Variants in NAV3 observed in about 807,000 individuals in gnomAD.
The protein encoded by NAV3 is pore membrane and/or filament interacting like protein 1.
NAV3 carries 87 observed loss-of-function variants against 244.7 expected under a neutral mutation model. The observed-to-expected ratio is 0.36, with a 90% confidence interval of 0.30 to 0.42. NAV3 has a LOEUF of 0.42. Ranked by LOEUF, NAV3 falls within the 20% of genes least tolerant of loss-of-function variation. NAV3 has a pLI of 1.00. For synonymous variants in NAV3, 1,126 were observed against 1,042.2 expected (o/e 1.08, Z -1.55); for missense variants, 2,663 against 2,893.3 (o/e 0.92, Z 1.83).
intron 1 of NAV3, among the ~76,000 whole-genome samples, chr12:77,888,843 G>A (rs1416388628): frequency 6.6e-6 from 1 of 152,138 alleles, no homozygotes; most frequent in Non-Finnish European, 1.5e-5. Context: ...GTGTGACTGT[G>A]GATAGGACCG....
intron 39 of NAV3, among the ~76,000 whole-genome samples, chr12:78,210,015 A>G (rs371694440): frequency 2.0e-5 from 3 of 152,104 alleles, no homozygotes; most frequent in African/African-American, 2.4e-5. Flanking sequence ...ATGAACATTC[A>G]CGACTTTCAG....
At chr12:78,112,631 A>C (rs1009859617) in intron 12 of NAV3, among the ~76,000 whole-genome samples, 1 of 152,016 alleles carries the variant, frequency 6.6e-6, no homozygotes, top group African/African-American at 2.4e-5. Flanking sequence ...TGCCCCCATG[A>C]CTCAATTACT....
At chr12:77,813,022 C>T (rs572776076) in intron 2 of NAV3, among the ~76,000 whole-genome samples, 3 of 151,986 alleles carry the variant, frequency 2.0e-5, no homozygotes, top group Non-Finnish European at 4.4e-5. Flanking sequence ...GGGGTTTTAC[C>T]ATGTTGGCCA....
chr12:78,173,138 T>A (rs1958073884), intron 24 of NAV3, among the ~76,000 whole-genome samples: 3 of 151,644 alleles, frequency 2.0e-5, no homozygotes, highest in South Asian at 4.1e-4. Context: ...TTAGCCATTC[T>A]TTACTGAACT....
Position 78,143,866 on chromosome 12 carries a change from C to T in NAV3, c.4684-2503C>T, listed in dbSNP as rs183927232. ...GATGTTGGCATGGGCTCTCAGGAAG[C>T]CACAGCCTCCACCAATGCTTTTCTT... On this transcript the variant is annotated intron_variant, in intron 20 of 39. Transcript: ENST00000397909. Among the ~76,000 whole-genome samples the T allele has an allele frequency of 1.9e-3, 286 of 152,272 alleles. 2 individuals are homozygous for T. Among genetic ancestry groups the T allele is most frequent in the Admixed American group, 3.4e-3 (52 of 15,286 alleles).
chr12:78,124,341 A>T (rs1005286618), intron 16 of NAV3, among the ~76,000 whole-genome samples: 1 of 152,226 alleles, frequency 6.6e-6, no homozygotes, highest in Non-Finnish European at 1.5e-5. Flanking sequence ...TAAAATTTTC[A>T]CTATGGAAAT....
chr12:78,127,585 A>C (rs1955972322), intron 17 of NAV3, among the ~76,000 whole-genome samples: 1 of 152,074 alleles, frequency 6.6e-6, no homozygotes, highest in African/African-American at 2.4e-5. Flanking sequence ...AATAAAATTA[A>C]CTCTTCTAAC....
At chr12:78,111,542 A>G (rs745417453) in intron 12 of NAV3, among the ~76,000 whole-genome samples, 3 of 152,174 alleles carry the variant, frequency 2.0e-5, no homozygotes, top group Non-Finnish European at 4.4e-5. Flanking sequence ...TCAGAGAAAT[A>G]CAAAATAAAA....
intron 1 of NAV3, among the ~76,000 whole-genome samples, chr12:77,930,524 A>G (rs1446292023): frequency 6.6e-6 from 1 of 151,998 alleles, no homozygotes; most frequent in African/African-American, 2.4e-5. Flanking sequence ...ACAGTGCATC[A>G]GATTTATTAT....
chr12:77,788,359 G>T (rs1871005336), intron 2 of NAV3, among the ~76,000 whole-genome samples: 1 of 152,186 alleles, frequency 6.6e-6, no homozygotes, highest in Admixed American at 6.5e-5. Flanking sequence ...TTCGCCTTAA[G>T]TCAGTGCTAA....
intron 1 of NAV3, among the ~76,000 whole-genome samples, chr12:77,905,896 C>A (rs1330827739): frequency 6.6e-6 from 1 of 152,156 alleles, no homozygotes; most frequent in Non-Finnish European, 1.5e-5. Context: ...CTGGACATGA[C>A]ATGATGGCCT....
intron 2 of NAV3, among the ~76,000 whole-genome samples, chr12:77,619,900 CAG>C (rs1468750295): frequency 6.6e-6 from 1 of 151,950 alleles, no homozygotes; most frequent in Non-Finnish European, 1.5e-5. Context: ...CACACACACA[CAG>C]ACAGTCTTTG....
intron 1 of NAV3, among the ~76,000 whole-genome samples, chr12:77,930,431 A>T (rs538133676): frequency 7.7e-6 from 1 of 130,186 alleles, no homozygotes; most frequent in African/African-American, 3.1e-5. Flanking sequence ...CTTTATGGCT[A>T]CATTTACCTT....
At position 78,181,052 on chromosome 12, in the gene NAV3, T is replaced by C. The variant is rs371297626; in HGVS notation, c.5692+7T>C. The C allele has an allele frequency of 1.2e-5, 19 of 1,612,348 alleles. No homozygotes were observed. The highest frequency in any genetic ancestry group is 1.6e-5 in the Non-Finnish European group (19 of 1,178,962). On this transcript the variant is annotated splice_region_variant and intron_variant, in intron 30 of 39. Coordinates refer to ENST00000397909, the MANE Select transcript of NAV3 (RefSeq NM_001024383.2). ...ACAGAGGCTGTTAGCTCAGGTGATT[T>C]AGTGCACATGCTTGCCTGAATCACA... is the stretch of plus-strand genomic sequence containing the variant.
chr12:78,151,986 TTTTAG>T (rs1314692629), intron 22 of NAV3, among the ~76,000 whole-genome samples: 1 of 151,628 alleles, frequency 6.6e-6, no homozygotes, highest in African/African-American at 2.4e-5. Flanking sequence ...ATTTGTGGTA[TTTTAG>T]TTTCAAACTA....
chr12:77,577,824 A>G (rs1869162573), intron 2 of NAV3, among the ~76,000 whole-genome samples: 1 of 152,102 alleles, frequency 6.6e-6, no homozygotes, highest in African/African-American at 2.4e-5. Flanking sequence ...TCTGGCTTTT[A>G]TCATTTCATA....
At chr12:77,604,764 A>G (rs1526830) in intron 2 of NAV3, among the ~76,000 whole-genome samples, 52,059 of 151,938 alleles carry the variant, frequency 0.34, 9,160 homozygotes, top group Middle Eastern at 0.5. Context: ...AGATAGCGAA[A>G]TTTAAATGGT....
intron 20 of NAV3, among the ~76,000 whole-genome samples, chr12:78,143,624 CAGAAAAAA>C (rs1956727821): frequency 1.1e-5 from 1 of 92,656 alleles, no homozygotes; most frequent in African/African-American, 4.2e-5. Context: ...AACACTGTCT[CAGAAAAAA>C]AAAAAAAAAA....
chr12:77,590,553 C>G (rs182846558), intron 2 of NAV3, among the ~76,000 whole-genome samples: 24 of 152,266 alleles, frequency 1.6e-4, no homozygotes, highest in African/African-American at 5.8e-4. Context: ...GGAAAAATAA[C>G]TAACGGGTAC....
Sources: allele counts gnomAD v4.1 joint callset (sites outside exome capture counted in the v4.1 genomes callset), GRCh38; gene constraint gnomAD v4.1.1; transcripts MANE v1.5; gene names NCBI Gene and HGNC (gene_info 2026-07-23, HGNC 2026-07-21).